The following EIF4G3 variants were observed in gnomAD, a reference collection of about 807,000 sequenced individuals.
The protein encoded by EIF4G3 is eukaryotic translation initiation factor 4 gamma 3.
EIF4G3 carries 34 observed loss-of-function variants against 186.4 expected under a neutral mutation model. The observed-to-expected ratio is 0.18, with a 90% CI of 0.14 to 0.24. The LOEUF (loss-of-function observed/expected upper bound fraction) is 0.24, where lower values mean the gene tolerates loss of function less well. EIF4G3 is among the 10% of genes least tolerant of loss of function. The pLI is 1.00. For synonymous variants in EIF4G3, 673 were observed against 679.5 expected (o/e 0.99, Z 0.15); for missense variants, 1,536 against 1,948.5 (o/e 0.79, Z 3.99).
chr1:21,008,785 A>T (rs921801879), intron 4 of EIF4G3, among the ~76,000 whole-genome samples: 6 of 152,394 alleles, frequency 3.9e-5, no homozygotes, highest in African/African-American at 1.4e-4. Flanking sequence ...AATACAGAGA[A>T]TGCTGAAATA....
chr1:20,852,893 T>TAA (rs907504395), intron 27 of EIF4G3, among the ~76,000 whole-genome samples: 3 of 151,752 alleles, frequency 2.0e-5, no homozygotes, highest in Non-Finnish European at 2.9e-5. Context: ...ATAATAATAA[T>TAA]AAAAAGCCTG....
At chr1:21,067,131 C>CTTTT (rs1392802757) in intron 3 of EIF4G3, among the ~76,000 whole-genome samples, 5 of 122,652 alleles carry the variant, frequency 4.1e-5, no homozygotes, top group Non-Finnish European at 8.4e-5. Flanking sequence ...TTTTTCTTTT[C>CTTTT]TTTTTTTTTT....
At chr1:20,894,845 G>T (rs1464782573) in intron 17 of EIF4G3, among the ~76,000 whole-genome samples, 1 of 152,166 alleles carries the variant, frequency 6.6e-6, no homozygotes. Flanking sequence ...AAGATCAGAT[G>T]CAAAGAGGAA....
intron 4 of EIF4G3, among the ~76,000 whole-genome samples, chr1:21,030,942 T>G (rs1273364839): frequency 6.6e-6 from 1 of 152,068 alleles, no homozygotes; most frequent in South Asian, 2.1e-4. Flanking sequence ...TCCCAGCAAT[T>G]TGGGAGGCTG....
chr1:20,847,365 G>A (rs1048098575), intron 29 of EIF4G3, among the ~76,000 whole-genome samples: 1 of 152,076 alleles, frequency 6.6e-6, no homozygotes, highest in African/African-American at 2.4e-5. Flanking sequence ...AAGATACAAC[G>A]ATTCTGCCCC....
intron 15 of EIF4G3, among the ~76,000 whole-genome samples, chr1:20,901,008 T>G (rs995531384): frequency 2.0e-5 from 3 of 152,112 alleles, no homozygotes; most frequent in African/African-American, 7.2e-5. Flanking sequence ...GAAAAGCCAA[T>G]AAATTGTTTA....
intron 7 of EIF4G3, among the ~76,000 whole-genome samples, chr1:20,991,984 T>C (rs1263073910): frequency 2.6e-5 from 4 of 152,226 alleles, no homozygotes; most frequent in Non-Finnish European, 1.5e-5. Flanking sequence ...TATTATATCA[T>C]TTATTAGCAT....
intron 14 of EIF4G3, among the ~76,000 whole-genome samples, chr1:20,925,827 C>T (rs1039628680): frequency 6.6e-6 from 1 of 152,204 alleles, no homozygotes; most frequent in African/African-American, 2.4e-5. Context: ...CCACAGCAGC[C>T]AGCCTACTTT....
chr1:20,955,317 G>A (rs1359630339), intron 12 of EIF4G3, among the ~76,000 whole-genome samples: 5 of 151,514 alleles, frequency 3.3e-5, no homozygotes, highest in African/African-American at 1.2e-4. Flanking sequence ...CTGCAGCCTC[G>A]ACCTCTTGAG....
Position 20,982,407 on chromosome 1 carries a change from C to T in EIF4G3, c.179G>A (p.Gly60Glu), listed in dbSNP as rs1223062398. The T allele has an allele frequency of 6.5e-7, 1 of 1,527,282 alleles. No individual in the cohort carries two copies. Among genetic ancestry groups the T allele is most frequent in the Admixed American group, 2.0e-5 (1 of 49,292 alleles). The allele number at this position is 1,527,282 out of a possible 1,614,324, so 94.6% of individuals were successfully genotyped here. A position where few individuals can be genotyped will look rare whatever the true frequency, so the allele number is the denominator to read the frequency against. The change falls in exon 8 of 37, where the codon GGA (glycine) becomes GAA (glutamate). Residue 60 changes from glycine (G) to glutamate (E), a missense_variant and splice_region_variant. Physicochemically the swap from Gly to Glu is moderately conservative, Grantham distance 98. Transcript: ENST00000602326. The stretch of plus-strand genomic sequence containing the variant: ...TGTTACCTGGATAGGTCTGAATCCT[C>T]CCTTCAAATATGAAGCAAGAAAGCA... Reference protein sequence around the residue: ...AAGPRPPHHQGGFRPIQFFQR... With the variant: ...AAGPRPPHHQEGFRPIQFFQR...
chr1:20,834,085 A>C (rs970148380), intron 30 of EIF4G3, among the ~76,000 whole-genome samples: 1 of 152,220 alleles, frequency 6.6e-6, no homozygotes, highest in Non-Finnish European at 1.5e-5. Flanking sequence ...GTCCTTATCT[A>C]TCAATAATTA....
intron 3 of EIF4G3, among the ~76,000 whole-genome samples, chr1:21,071,887 ATAAGT>A (rs1221735389): frequency 1.3e-5 from 2 of 152,198 alleles, no homozygotes; most frequent in Non-Finnish European, 2.9e-5. Flanking sequence ...ATTTTCCCAA[ATAAGT>A]TAAAGACAGA....
chr1:21,102,279 C>T (rs1034059227), intron 2 of EIF4G3, among the ~76,000 whole-genome samples: 12 of 152,096 alleles, frequency 7.9e-5, no homozygotes, highest in Non-Finnish European at 1.5e-4. Flanking sequence ...GGTGAAACCC[C>T]GTCTCCATTA....
intron 2 of EIF4G3, among the ~76,000 whole-genome samples, chr1:21,153,633 T>G (rs2097584332): frequency 6.6e-6 from 1 of 152,188 alleles, no homozygotes; most frequent in Admixed American, 6.5e-5. Context: ...TGCACAATTT[T>G]GGCTCAGGGG....
intron 6 of EIF4G3, among the ~76,000 whole-genome samples, chr1:21,000,754 G>A (rs2083329077): frequency 6.6e-6 from 1 of 152,098 alleles, no homozygotes; most frequent in South Asian, 2.1e-4. Flanking sequence ...TAATGGGGTG[G>A]GTAATGGTCA....
rs146250458 is a variant in EIF4G3, at chr1:21,008,084, T to C, written c.-66-5276A>G. 4.7e-3 allele frequency among the ~76,000 whole-genome samples: 719 copies of C among 152,308 alleles called. 2 individuals carry two copies. Among genetic ancestry groups the C allele is most frequent in the African/African-American group, 0.017 (688 of 41,568 alleles). On this transcript the variant is annotated intron_variant, in intron 4 of 36. Transcript: ENST00000602326. ...AGGATCACTTGACCCCAGGCTGTAGTGAGCTGTAATTGTGCCACTGTACTT... is the reference window on the plus strand; with the variant it reads ...AGGATCACTTGACCCCAGGCTGTAGCGAGCTGTAATTGTGCCACTGTACTT...
At chr1:20,958,150 C>T (rs1350439946) in intron 12 of EIF4G3, among the ~76,000 whole-genome samples, 1 of 152,038 alleles carries the variant, frequency 6.6e-6, no homozygotes, top group Non-Finnish European at 1.5e-5. Flanking sequence ...AAACTGTCAA[C>T]AAAATACTAG....
intron 4 of EIF4G3, among the ~76,000 whole-genome samples, chr1:21,011,408 T>C (rs2154569912): frequency 6.6e-6 from 1 of 152,324 alleles, no homozygotes; most frequent in Non-Finnish European, 1.5e-5. Context: ...CATATACTCT[T>C]CATCTAGTTT....
intron 7 of EIF4G3, among the ~76,000 whole-genome samples, chr1:20,990,012 A>G (rs2080714436): frequency 6.6e-6 from 1 of 152,070 alleles, no homozygotes; most frequent in Admixed American, 6.6e-5. Context: ...CCTCAGCTGT[A>G]CTAAAAATAC....
Sources: gnomAD v4.1 joint callset for allele counts (sites outside exome capture counted in the v4.1 genomes callset) on GRCh38, gnomAD v4.1.1 for gene constraint, MANE v1.5 for transcripts, NCBI Gene and HGNC (gene_info 2026-07-23, HGNC 2026-07-21) for gene names.